Variants in TXNRD1 observed in about 807,000 individuals in gnomAD.
TXNRD1 encodes the protein thioredoxin reductase 1, cytoplasmic.
TXNRD1 carries 57 observed loss-of-function variants against 80.3 expected under a neutral mutation model. That is an observed-to-expected ratio of 0.71 (90% confidence interval 0.57 to 0.89). The LOEUF (loss-of-function observed/expected upper bound fraction) is 0.89, where lower values mean the gene tolerates loss of function less well. Ranked by LOEUF, TXNRD1 falls within the 40% of genes least tolerant of loss-of-function variation. TXNRD1 has a pLI of 0.00. For synonymous variants in TXNRD1, 291 were observed against 285.2 expected, an observed-to-expected ratio of 1.02 and a Z score of -0.20; for missense variants, 730 against 803.0, an observed-to-expected ratio of 0.91 and a Z score of 1.10.
chr12:104,215,796 G>A lies in TXNRD1; in HGVS notation c.-7G>A. Reference sequence around the variant, plus strand: ...GCTCCGTCAGTTCCCACAGGGCCTTGTGCGACATGGGCTGCGCCGAGGGCA... The same window carrying A: ...GCTCCGTCAGTTCCCACAGGGCCTTATGCGACATGGGCTGCGCCGAGGGCA... On this transcript the variant is annotated 5_prime_UTR_variant, in exon 1 of 17. It adds an upstream start codon to the 5' untranslated region. Coordinates refer to ENST00000525566, the MANE Select transcript of TXNRD1 (RefSeq NM_001093771.3). 1 of 1,555,198 alleles carries A rather than the reference G, an allele frequency of 6.4e-7. No homozygotes were observed.
At chr12:104,323,588 C>A (rs2035630645) in intron 10 of TXNRD1, among the ~76,000 whole-genome samples, 1 of 112,056 alleles carries the variant, frequency 8.9e-6, no homozygotes, top group Non-Finnish European at 1.9e-5. Flanking sequence ...GGCTGACACC[C>A]CCACCTCCCT....
chr12:104,313,439 C>A, intron 6 of TXNRD1, 122 bp downstream of exon 6: 1 of 687,952 alleles, frequency 1.5e-6, no homozygotes, highest in Admixed American at 3.2e-5. Context: ...AAAACAGCCC[C>A]AAAACATATA....
chr12:104,309,774 G>C (rs1167045540), intron 4 of TXNRD1: 2 of 1,531,200 alleles, frequency 1.3e-6, no homozygotes, highest in Admixed American at 2.0e-5. Context: ...TGTATTGAAG[G>C]AGGAACCTTG....
intron 4 of TXNRD1, chr12:104,303,934 G>A (rs2034758490): frequency 1.3e-6 from 2 of 1,587,718 alleles, no homozygotes; most frequent in African/African-American, 2.7e-5. Context: ...AGGGAGCGCT[G>A]ATGAAGATGG....
chr12:104,310,789 A>C (rs1446868722), intron 4 of TXNRD1, among the ~76,000 whole-genome samples: 1 of 152,202 alleles, frequency 6.6e-6, no homozygotes, highest in Non-Finnish European at 1.5e-5. Context: ...AAAAGCAGCA[A>C]CTTTCACGTT....
chr12:104,332,562 CA>C (rs1217183080), intron 14 of TXNRD1, among the ~76,000 whole-genome samples: 1 of 151,668 alleles, frequency 6.6e-6, no homozygotes, highest in Non-Finnish European at 1.5e-5. Context: ...CCAGCCTGAC[CA>C]ACGTGGAGAA....
chr12:104,244,672 T>C (rs922103812), intron 1 of TXNRD1, among the ~76,000 whole-genome samples: 41 of 152,358 alleles, frequency 2.7e-4, no homozygotes, highest in African/African-American at 9.4e-4. Flanking sequence ...TTGAATAGTA[T>C]GCAGCCACTA....
chr12:104,227,065 G>C (rs1393889861), intron 1 of TXNRD1, among the ~76,000 whole-genome samples: 1 of 152,126 alleles, frequency 6.6e-6, no homozygotes, highest in Non-Finnish European at 1.5e-5. Context: ...CTACATTCAA[G>C]TACATTTCTG....
At chr12:104,321,007 TA>T in intron 9 of TXNRD1, 83 bp from the exon 10 acceptor site, 1 of 960,186 alleles carries the variant, frequency 1.0e-6, no homozygotes, top group Non-Finnish European at 1.6e-6. Context: ...CTTGTCAAAG[TA>T]AAAATGTGTA....
At chr12:104,279,034 C>T (rs1041377329) in intron 3 of TXNRD1, among the ~76,000 whole-genome samples, 5 of 152,160 alleles carry the variant, frequency 3.3e-5, no homozygotes, top group African/African-American at 1.2e-4. Context: ...CATAACTAAT[C>T]CTGGTCCCTG....
chr12:104,217,098 A>G (rs1481885768), intron 1 of TXNRD1, among the ~76,000 whole-genome samples: 1 of 152,176 alleles, frequency 6.6e-6, no homozygotes, highest in African/African-American at 2.4e-5. Flanking sequence ...ATAAAGGAAC[A>G]GGGTAGGAGC....
At chr12:104,336,245 A>G (rs1209400724) in intron 15 of TXNRD1, among the ~76,000 whole-genome samples, 1 of 152,172 alleles carries the variant, frequency 6.6e-6, no homozygotes, top group Non-Finnish European at 1.5e-5. Context: ...TCAATGTTAC[A>G]TTTGTTCAAA....
chr12:104,346,386 A>G (rs999162536), intron 16 of TXNRD1, among the ~76,000 whole-genome samples: 3 of 152,218 alleles, frequency 2.0e-5, no homozygotes, highest in Non-Finnish European at 4.4e-5. Flanking sequence ...CAACATCAAT[A>G]TGAGAAAAAA....
At chr12:104,269,460 T>C (rs558846301) in intron 3 of TXNRD1, among the ~76,000 whole-genome samples, 5 of 150,084 alleles carry the variant, frequency 3.3e-5, no homozygotes, top group South Asian at 4.2e-4. Context: ...GCTGCAGTGA[T>C]GTAGTCATGG....
chr12:104,339,072 A>G, intron 15 of TXNRD1, 67 bp from the exon 16 acceptor site: 1 of 1,588,056 alleles, frequency 6.3e-7, no homozygotes, highest in Non-Finnish European at 8.6e-7. Flanking sequence ...AAATGCTCTA[A>G]GCTGTGTAGG....
At chr12:104,233,145 G>C (rs1051184774) in intron 1 of TXNRD1, among the ~76,000 whole-genome samples, 8 of 152,096 alleles carry the variant, frequency 5.3e-5, no homozygotes, top group Admixed American at 1.3e-4. Flanking sequence ...CAAATAACTT[G>C]GTTAAAGTAC....
At chr12:104,326,272 C>A in intron 11 of TXNRD1, 75 bp from the exon 12 acceptor site, 1 of 987,634 alleles carries the variant, frequency 1.0e-6, no homozygotes, top group Non-Finnish European at 1.5e-6. Context: ...GCTTAATAAG[C>A]AGAGAAAAAT....
intron 15 of TXNRD1, among the ~76,000 whole-genome samples, chr12:104,334,752 G>A (rs4246270): frequency 0.91 from 137,983 of 152,238 alleles, 62,794 homozygotes; most frequent in African/African-American, 0.98. Context: ...TGTCTCAGCT[G>A]ATAGATATCA....
chr12:104,339,669 A>G (rs1160795538), intron 16 of TXNRD1, among the ~76,000 whole-genome samples: 4 of 152,226 alleles, frequency 2.6e-5, no homozygotes, highest in Non-Finnish European at 5.9e-5. Flanking sequence ...TTTGAAAATG[A>G]TGCTTTCAAA....
Sources: gnomAD v4.1 joint callset for allele counts (sites outside exome capture counted in the v4.1 genomes callset) on GRCh38, gnomAD v4.1.1 for gene constraint, MANE v1.5 for transcripts, NCBI Gene and HGNC (gene_info 2026-07-23, HGNC 2026-07-21) for gene names.